THSD7A: variants seen among roughly 807,000 people sequenced by gnomAD.
THSD7A encodes thrombospondin type 1 domain containing 7A.
Under a neutral mutation model 231.3 loss-of-function variants are expected in THSD7A, and 96 were observed. That is an observed-to-expected ratio of 0.41 (90% confidence interval 0.35 to 0.49). THSD7A has a LOEUF of 0.49. THSD7A is among the 20% of genes least tolerant of loss of function. THSD7A has a pLI of 0.05. For synonymous variants in THSD7A, 940 were observed against 743.3 expected (o/e 1.26, Z -4.30); for missense variants, 2,290 against 2,070.2 (o/e 1.11, Z -2.06).
chr7:11,504,274 A>G (rs944744074), intron 6 of THSD7A, among the ~76,000 whole-genome samples: 36 of 152,178 alleles, frequency 2.4e-4, no homozygotes, highest in African/African-American at 8.0e-4. Context: ...ACTTATGAAA[A>G]CAAAGAAGGA....
At chr7:11,820,899 T>C (rs1304997174) in intron 1 of THSD7A, 2 of 895,262 alleles carry the variant, frequency 2.2e-6, no homozygotes, top group African/African-American at 3.3e-5. Context: ...GTCTCGGGAA[T>C]TCACTGATTC....
At chr7:11,532,571 A>G (rs1181546390) in intron 6 of THSD7A, among the ~76,000 whole-genome samples, 1 of 152,156 alleles carries the variant, frequency 6.6e-6, no homozygotes, top group Non-Finnish European at 1.5e-5. Context: ...TAGATCGGCA[A>G]AAGTAGGTAA....
At chr7:11,548,650 A>G (rs564496968) in intron 4 of THSD7A, among the ~76,000 whole-genome samples, 3 of 152,294 alleles carry the variant, frequency 2.0e-5, no homozygotes, top group African/African-American at 7.2e-5. Context: ...CACATCAGAA[A>G]GCTGAACCAC....
intron 1 of THSD7A, among the ~76,000 whole-genome samples, chr7:11,672,721 G>A (rs996722733): frequency 3.3e-4 from 50 of 151,930 alleles, no homozygotes; most frequent in Non-Finnish European, 3.2e-4. Flanking sequence ...TATACCTCAC[G>A]GTGCTTTATG....
intron 13 of THSD7A, among the ~76,000 whole-genome samples, chr7:11,432,993 G>A (rs1321994003): frequency 2.0e-5 from 3 of 151,942 alleles, no homozygotes; most frequent in African/African-American, 4.8e-5. Flanking sequence ...CTTCTGGAGG[G>A]CAGATGTGGC....
chr7:11,660,272 T>C (rs1192331950), intron 1 of THSD7A, among the ~76,000 whole-genome samples: 2 of 151,548 alleles, frequency 1.3e-5, no homozygotes, highest in Non-Finnish European at 3.0e-5. Flanking sequence ...TTTTGCAGCA[T>C]TCCACCTATT....
chr7:11,501,734 T>C (rs1024681120), intron 6 of THSD7A, among the ~76,000 whole-genome samples: 10 of 151,904 alleles, frequency 6.6e-5, no homozygotes, highest in African/African-American at 2.4e-4. Context: ...AGAGAAGCAA[T>C]AGCAAATAAA....
intron 1 of THSD7A, among the ~76,000 whole-genome samples, chr7:11,826,628 A>G (rs1416285115): frequency 6.6e-6 from 1 of 152,116 alleles, no homozygotes; most frequent in Non-Finnish European, 1.5e-5. Context: ...CCTGCCCAAC[A>G]TGGTGAAACC....
rs181981121 is a variant in THSD7A, at chr7:11,795,064, G to A, written c.190+36693C>T. 5.1e-3 allele frequency among the ~76,000 whole-genome samples: 776 copies of A among 152,012 alleles called. 7 individuals carry two copies. Among genetic ancestry groups the A allele is most frequent in the African/African-American group, 0.018 (749 of 41,510 alleles). On this transcript the variant is annotated intron_variant, in intron 1 of 27. Transcript: ENST00000423059. ...TATCTAAAAGTTAGAGGACTTACAGGTGAGTTGTTTTTTAAATATATTATA... is the reference window on the plus strand; with the variant it reads ...TATCTAAAAGTTAGAGGACTTACAGATGAGTTGTTTTTTAAATATATTATA...
intron 2 of THSD7A, among the ~76,000 whole-genome samples, chr7:11,601,581 CT>C (rs1780555765): frequency 6.6e-6 from 1 of 152,138 alleles, no homozygotes; most frequent in African/African-American, 2.4e-5. Flanking sequence ...CTGGACCTAC[CT>C]GATATGCAAC....
chr7:11,730,775 TC>T (rs1781701199), intron 1 of THSD7A, among the ~76,000 whole-genome samples: 1 of 151,558 alleles, frequency 6.6e-6, no homozygotes, highest in African/African-American at 2.4e-5. Context: ...CTGTTGAATA[TC>T]CCCTTTATAT....
At chr7:11,427,786 T>A (rs939047562) in intron 14 of THSD7A, among the ~76,000 whole-genome samples, 1 of 152,182 alleles carries the variant, frequency 6.6e-6, no homozygotes, top group Admixed American at 6.5e-5. Context: ...GTTGCTGAAC[T>A]GAATTTTCTT....
At chr7:11,605,329 G>A (rs1780698867) in intron 2 of THSD7A, among the ~76,000 whole-genome samples, 1 of 152,058 alleles carries the variant, frequency 6.6e-6, no homozygotes, top group South Asian at 2.1e-4. Context: ...CTAATCCAGG[G>A]AAAGTCATGA....
At chr7:11,500,821 AG>A (rs1787301845) in intron 6 of THSD7A, among the ~76,000 whole-genome samples, 1 of 151,976 alleles carries the variant, frequency 6.6e-6, no homozygotes, top group Non-Finnish European at 1.5e-5. Flanking sequence ...CTGTAATCCC[AG>A]CTACTTGGGA....
At chr7:11,681,431 GA>G (rs1783865931) in intron 1 of THSD7A, among the ~76,000 whole-genome samples, 1 of 151,942 alleles carries the variant, frequency 6.6e-6, no homozygotes, top group Non-Finnish European at 1.5e-5. Flanking sequence ...TTACGGAAGT[GA>G]AAAATTTACT....
chr7:11,660,968 G>A (rs1395852290), intron 1 of THSD7A, among the ~76,000 whole-genome samples: 2 of 151,466 alleles, frequency 1.3e-5, no homozygotes, highest in Non-Finnish European at 3.0e-5. Context: ...GTGCAGGATA[G>A]TGATTTGTCT....
At chr7:11,453,241 G>T (rs1166625140) in intron 11 of THSD7A, among the ~76,000 whole-genome samples, 2 of 151,514 alleles carry the variant, frequency 1.3e-5, no homozygotes, top group Non-Finnish European at 2.9e-5. Flanking sequence ...AAAAATAAGA[G>T]CATAAAATAT....
At chr7:11,598,872 G>A (rs532349537) in intron 2 of THSD7A, among the ~76,000 whole-genome samples, 1 of 152,224 alleles carries the variant, frequency 6.6e-6, no homozygotes, top group East Asian at 1.9e-4. Context: ...GCCACCAGGA[G>A]ACACAACAAT....
chr7:11,522,108 A>G (rs191376504), intron 6 of THSD7A, among the ~76,000 whole-genome samples: 4 of 152,262 alleles, frequency 2.6e-5, no homozygotes, highest in Admixed American at 2.6e-4. Flanking sequence ...TTTTGATAGC[A>G]TCATTCATGA....
Sources: allele counts gnomAD v4.1 joint callset (sites outside exome capture counted in the v4.1 genomes callset), GRCh38; gene constraint gnomAD v4.1.1; transcripts MANE v1.5; gene names NCBI Gene and HGNC (gene_info 2026-07-23, HGNC 2026-07-21).